Variants in SLC25A28 observed in about 807,000 individuals in gnomAD.
SLC25A28 encodes the protein mitoferrin-2.
SLC25A28 carries 10 observed loss-of-function variants against 31.9 expected under a neutral mutation model. The ratio of observed to expected loss-of-function variants is 0.31; its 90% CI spans 0.19 to 0.53. The LOEUF (loss-of-function observed/expected upper bound fraction) is 0.53. SLC25A28 is among the 20% of genes least tolerant of loss of function. SLC25A28 has a pLI of 0.95. For synonymous variants in SLC25A28, 208 were observed against 203.6 expected (o/e 1.02, Z -0.19); for missense variants, 256 against 490.3 (o/e 0.52, Z 4.51).
chr10:99,649,280 CT>C, the SLC25A28 span, among the ~76,000 whole-genome samples: 1 of 152,100 alleles, frequency 6.6e-6, no homozygotes, highest in Non-Finnish European at 1.5e-5. Context: ...TTGAAACATC[CT>C]TGCATTCCTG....
At chr10:99,654,657 T>C in the SLC25A28 span, among the ~76,000 whole-genome samples, 1 of 150,660 alleles carries the variant, frequency 6.6e-6, no homozygotes, top group East Asian at 1.9e-4. Flanking sequence ...CCCATCTCAA[T>C]AACAACAACA....
chr10:99,611,834 G>A lies in SLC25A28; in HGVS notation c.578-468C>T, dbSNP rs1295720989. Among the ~76,000 whole-genome samples, 5 of 152,150 alleles carry A rather than the reference G, an allele frequency of 3.3e-5. No homozygotes were observed. The highest frequency in any genetic ancestry group is 9.7e-5 in the African/African-American group (4 of 41,430). ...TCCTCCTAGAGGGGAGGAGACAGAA[G>A]TTCTACCAAAGAAAAGATTCTTAGC... On this transcript the variant is annotated intron_variant, in intron 3 of 3. Transcript: ENST00000370495. The surrounding 1 kb of genome is among the most constrained non-coding windows in gnomAD (Gnocchi z 5.5).
chr10:99,645,530 A>G, the SLC25A28 span, among the ~76,000 whole-genome samples: 1 of 152,090 alleles, frequency 6.6e-6, no homozygotes, highest in South Asian at 2.1e-4. Context: ...GTTTGTTATT[A>G]CCGATCGTCC....
chr10:99,652,641 GGGAT>G, the SLC25A28 span, among the ~76,000 whole-genome samples: 3 of 151,970 alleles, frequency 2.0e-5, no homozygotes, highest in Non-Finnish European at 4.4e-5. Flanking sequence ...AAGTAAAATT[GGGAT>G]GGATACCAAG....
At chr10:99,638,948 G>A in the SLC25A28 span, among the ~76,000 whole-genome samples, 17,258 of 152,070 alleles carry the variant, frequency 0.11, 1,171 homozygotes, top group East Asian at 0.31. Flanking sequence ...TATCTACTCA[G>A]AGGAAAATAA....
At chr10:99,640,948 C>T in the SLC25A28 span, among the ~76,000 whole-genome samples, 2 of 152,290 alleles carry the variant, frequency 1.3e-5, no homozygotes, top group African/African-American at 4.8e-5. Flanking sequence ...GCCACATTTT[C>T]TTAATCCAGT....
the SLC25A28 span, among the ~76,000 whole-genome samples, chr10:99,644,561 G>T: frequency 6.6e-6 from 1 of 152,240 alleles, no homozygotes; most frequent in Non-Finnish European, 1.5e-5. Flanking sequence ...TACATTTAAG[G>T]TTAATATTGT....
the SLC25A28 span, among the ~76,000 whole-genome samples, chr10:99,632,311 A>G: frequency 1.3e-5 from 2 of 152,112 alleles, no homozygotes. Context: ...TGTGTAGGTT[A>G]TTTGCAAATA....
chr10:99,617,750 T>C (rs932240477), intron 1 of SLC25A28: 21 of 985,500 alleles, frequency 2.1e-5, no homozygotes, highest in Non-Finnish European at 2.5e-5. Flanking sequence ...TGACAACTCC[T>C]GAGCATTTTT....
chr10:99,652,833 T>C, the SLC25A28 span, among the ~76,000 whole-genome samples: 1 of 152,286 alleles, frequency 6.6e-6, no homozygotes, highest in African/African-American at 2.4e-5. Context: ...TTTTCAATCA[T>C]CCTACTTGTT....
At chr10:99,617,309 A>G in intron 1 of SLC25A28, 4 of 985,492 alleles carry the variant, frequency 4.1e-6, no homozygotes, top group Non-Finnish European at 4.8e-6. Context: ...ACCATGATCC[A>G]GCAAGGCTAC....
chr10:99,617,464 T>A (rs529219416), intron 1 of SLC25A28: 58 of 985,088 alleles, frequency 5.9e-5, no homozygotes, highest in Non-Finnish European at 6.5e-5. Context: ...TCCAACAACA[T>A]GGATATCTGC....
chr10:99,623,813 C>CA (rs1303913795), upstream of SLC25A28, among the ~76,000 whole-genome samples: 17 of 152,312 alleles, frequency 1.1e-4, no homozygotes, highest in Non-Finnish European at 2.4e-4. Flanking sequence ...TGACATGAAG[C>CA]AGAGTTCCCT....
At chr10:99,616,121 CTAAG>C (rs1209898772) in intron 1 of SLC25A28, 2 of 985,366 alleles carry the variant, frequency 2.0e-6, no homozygotes, top group Non-Finnish European at 2.4e-6. Flanking sequence ...GATGAAATAT[CTAAG>C]TAAGAATTTC....
At chr10:99,649,952 C>A in the SLC25A28 span, among the ~76,000 whole-genome samples, 1 of 151,904 alleles carries the variant, frequency 6.6e-6, no homozygotes, top group Non-Finnish European at 1.5e-5. Context: ...ATGATCTAAT[C>A]GTCATTATAT....
At chr10:99,631,902 T>TTTTTTTTTTC in the SLC25A28 span, among the ~76,000 whole-genome samples, 1 of 126,660 alleles carries the variant, frequency 7.9e-6, no homozygotes, top group South Asian at 2.8e-4. Context: ...TTTTTTTTTT[T>TTTTTTTTTTC]TTTTTGAGAC....
intron 1 of SLC25A28, chr10:99,617,378 G>C: frequency 1.4e-5 from 14 of 985,446 alleles, no homozygotes; most frequent in Non-Finnish European, 1.7e-5. Flanking sequence ...CTGATAAGTA[G>C]CTGAGGATGG....
Position 99,620,246 on chromosome 10 carries a change from G to A in SLC25A28, c.90C>T (p.Asp30=). The change falls in exon 1 of 4, where the codon GAC becomes GAT. Residue 30 remains aspartate (D), a synonymous_variant. Transcript: ENST00000370495. ...GGCCCACGCCCCGCTGCAGCCACCC[G>A]TCCAGCAGCGCCGACTCCCCGGGGC... is the stretch of plus-strand genomic sequence containing the variant. The part of the protein sequence containing the change: ...GRSPGESALL[D]GWLQRGVGRG... 1.9e-6 allele frequency: 2 copies of A among 1,071,576 alleles called. No homozygotes were observed. Among genetic ancestry groups the A allele is most frequent in the Non-Finnish European group, 2.3e-6 (2 of 860,262 alleles). The allele number at this position is 1,071,576 out of a possible 1,614,324, so 66.4% of individuals were successfully genotyped here.
chr10:99,631,878 A>ATTTTTTTTTTTTT, the SLC25A28 span, among the ~76,000 whole-genome samples: 5 of 92,904 alleles, frequency 5.4e-5, 1 homozygote, highest in African/African-American at 8.2e-5. Context: ...TCAGTATGTT[A>ATTTTTTTTTTTTT]TTTTTTTTTT....
Sources: allele counts gnomAD v4.1 joint callset (sites outside exome capture counted in the v4.1 genomes callset), GRCh38; gene constraint gnomAD v4.1.1; non-coding constraint Gnocchi (gnomAD v3.1); transcripts MANE v1.5; gene names NCBI Gene and HGNC (gene_info 2026-07-23, HGNC 2026-07-21).